The following RNF216 variants were observed in gnomAD, a reference collection of about 807,000 sequenced individuals.
The protein encoded by RNF216 is E3 ubiquitin-protein ligase RNF216.
RNF216 carries 72 observed loss-of-function variants against 110.8 expected under a neutral mutation model. The observed-to-expected ratio is 0.65, with a 90% CI of 0.54 to 0.79. The LOEUF is 0.79. RNF216 is among the 30% of genes least tolerant of loss of function. RNF216 has a pLI of 0.00. For missense variants in RNF216, 1,342 were observed against 1,141.2 expected, an observed-to-expected ratio of 1.18 and a Z score of -2.54; for synonymous variants, 495 against 407.5, an observed-to-expected ratio of 1.21 and a Z score of -2.59.
chr7:5,751,899 A>C (rs1645479979), intron 3 of RNF216, among the ~76,000 whole-genome samples: 2 of 151,286 alleles, frequency 1.3e-5, no homozygotes, highest in African/African-American at 2.4e-5. Flanking sequence ...AAAAAGTACA[A>C]TGAAAGGGCC....
At chr7:5,692,024 C>G (rs1584460899) in intron 13 of RNF216, among the ~76,000 whole-genome samples, 1 of 152,170 alleles carries the variant, frequency 6.6e-6, no homozygotes. Flanking sequence ...TCCATGTTTT[C>G]AAGGAGGGAT....
In RNF216 at chr7:5,721,021, A is replaced by G. The variant is rs1439720605; in HGVS notation, c.1644+12T>C. On this transcript the variant is annotated intron_variant, in intron 9 of 16. Coordinates refer to ENST00000389902, the MANE Select transcript of RNF216 (RefSeq NM_207111.4). The stretch of plus-strand genomic sequence containing the variant: ...CAGAAACACACCCCAAGACCAGAGC[A>G]CATCTTCCTACCTCTGCCATCTCTT... The G allele has an allele frequency of 3.1e-6, 5 of 1,614,044 alleles. No homozygotes were observed. The highest frequency in any genetic ancestry group is 4.2e-6 in the Non-Finnish European group (5 of 1,179,902).
At chr7:5,681,819 GA>G (rs1790669823) in intron 13 of RNF216, among the ~76,000 whole-genome samples, 1 of 152,180 alleles carries the variant, frequency 6.6e-6, no homozygotes, top group African/African-American at 2.4e-5. Flanking sequence ...ACATAAACGG[GA>G]AACACCCAGA....
rs559534528 is a variant in RNF216, at chr7:5,684,426, G to A, written c.2061+27335C>T. Among the ~76,000 whole-genome samples, 5 of 152,208 alleles carry A rather than the reference G, an allele frequency of 3.3e-5. 2 individuals are homozygous for A. Among genetic ancestry groups the A allele is most frequent in the African/African-American group, 1.2e-4 (5 of 41,542 alleles). On this transcript the variant is annotated intron_variant, in intron 13 of 16. Transcript: ENST00000389902. ...CTGGCCCACAAGCTGGGCCTTCTAA[G>A]CCGAGCCTCTGCATTAAAACAAATG... is the stretch of plus-strand genomic sequence containing the variant.
chr7:5,747,746 CAA>C (rs1207043505), intron 3 of RNF216, among the ~76,000 whole-genome samples: 49 of 7,012 alleles, frequency 7.0e-3, no homozygotes, highest in South Asian at 0.053. Context: ...GACTCCATCT[CAA>C]AAAAAAAAAA....
intron 13 of RNF216, among the ~76,000 whole-genome samples, chr7:5,710,145 A>G (rs1792574714): frequency 6.6e-6 from 1 of 152,178 alleles, no homozygotes; most frequent in African/African-American, 2.4e-5. Context: ...GGATCACTGG[A>G]GGCCAGGAGT....
chr7:5,683,401 T>G (rs529645166), intron 13 of RNF216, among the ~76,000 whole-genome samples: 2 of 152,282 alleles, frequency 1.3e-5, no homozygotes, highest in East Asian at 3.9e-4. Flanking sequence ...TCTATTTTCC[T>G]GCAACAGTGC....
intron 14 of RNF216, among the ~76,000 whole-genome samples, chr7:5,645,352 G>A (rs1787989254): frequency 6.6e-6 from 1 of 151,800 alleles, no homozygotes; most frequent in Non-Finnish European, 1.5e-5. Context: ...CTCTTCTTTG[G>A]GCTTCCCCTT....
At chr7:5,695,231 G>C (rs1242906537) in intron 13 of RNF216, among the ~76,000 whole-genome samples, 1 of 152,142 alleles carries the variant, frequency 6.6e-6, no homozygotes, top group African/African-American at 2.4e-5. Flanking sequence ...ATCTACAACT[G>C]CAAGTCAAGA....
At chr7:5,715,246 C>T (rs1161812547) in intron 10 of RNF216, 56 bp from the exon 11 acceptor site, 1 of 1,552,472 alleles carries the variant, frequency 6.4e-7, no homozygotes. Flanking sequence ...AGAGGGGGAG[C>T]CTTGTCTCCC....
At chr7:5,731,693 CTT>C (rs1469435215) in intron 5 of RNF216, among the ~76,000 whole-genome samples, 1 of 151,122 alleles carries the variant, frequency 6.6e-6, no homozygotes, top group Non-Finnish European at 1.5e-5. Context: ...TTTCTCTGTT[CTT>C]TCTCTTGCTC....
chr7:5,708,541 C>T (rs1039463911), intron 13 of RNF216, among the ~76,000 whole-genome samples: 1 of 152,222 alleles, frequency 6.6e-6, no homozygotes, highest in Non-Finnish European at 1.5e-5. Flanking sequence ...TTTTCACTTT[C>T]AGTACAGTAC....
At chr7:5,650,118 C>G (rs1174202380) in intron 14 of RNF216, 1 of 152,166 alleles carries the variant, frequency 6.6e-6, no homozygotes, top group East Asian at 1.9e-4. Context: ...TTCTGGTGGT[C>G]TGGAGGTCAG....
chr7:5,698,878 A>G (rs932301352), intron 13 of RNF216, among the ~76,000 whole-genome samples: 1 of 152,154 alleles, frequency 6.6e-6, no homozygotes, highest in Non-Finnish European at 1.5e-5. Context: ...TATGTTGCAC[A>G]TTTTCTCATC....
chr7:5,752,990 G>C lies in RNF216; in HGVS notation c.68-11C>G. On this transcript the variant is annotated splice_polypyrimidine_tract_variant and intron_variant, in intron 2 of 16. Coordinates refer to ENST00000389902, the MANE Select transcript of RNF216 (RefSeq NM_207111.4). Reference sequence around the variant, plus strand: ...GGAGATTGATCCACTCTACAGGAAAGCAGAGAACACTGTTACTGGGAGGTT... The same window carrying C: ...GGAGATTGATCCACTCTACAGGAAACCAGAGAACACTGTTACTGGGAGGTT... The C allele has an allele frequency of 1.9e-6, 3 of 1,603,648 alleles. No homozygotes were observed. Among genetic ancestry groups the C allele is most frequent in the African/African-American group, 1.3e-5 (1 of 74,638 alleles).
intron 15 of RNF216, among the ~76,000 whole-genome samples, chr7:5,634,889 A>C (rs978755124): frequency 3.5e-4 from 54 of 152,172 alleles, no homozygotes; most frequent in Admixed American, 2.9e-3. Context: ...CTGGGGTAGC[A>C]AAACTGCCAG....
intron 2 of RNF216, among the ~76,000 whole-genome samples, chr7:5,756,945 A>C (rs888522961): frequency 6.6e-6 from 1 of 152,104 alleles, no homozygotes; most frequent in African/African-American, 2.4e-5. Flanking sequence ...TGAGCTTTTT[A>C]CTTCTTGTCT....
intron 2 of RNF216, chr7:5,760,320 T>C: frequency 3.3e-5 from 7 of 211,810 alleles, no homozygotes; most frequent in South Asian, 6.2e-5. Flanking sequence ...AGATCAAGAC[T>C]AGCCTGAACA....
intron 9 of RNF216, among the ~76,000 whole-genome samples, chr7:5,720,487 T>A (rs918295162): frequency 6.6e-6 from 1 of 152,206 alleles, no homozygotes; most frequent in African/African-American, 2.4e-5. Context: ...AACGGTAGGC[T>A]GTTCACAGTG....
Sources: allele counts gnomAD v4.1 joint callset (sites outside exome capture counted in the v4.1 genomes callset), GRCh38; gene constraint gnomAD v4.1.1; transcripts MANE v1.5; gene names NCBI Gene and HGNC (gene_info 2026-07-23, HGNC 2026-07-21).